Variants in DIP2C observed in about 807,000 individuals in gnomAD.
DIP2C encodes disco-interacting protein 2 homolog C.
A neutral mutation model predicts 192.4 loss-of-function variants in DIP2C; 33 were observed. The observed-to-expected ratio is 0.17, with a 90% CI of 0.13 to 0.23. The LOEUF is 0.23. Among genes scored for constraint, DIP2C ranks in the 10% least tolerant of loss-of-function variants. The pLI is 1.00. For synonymous variants in DIP2C, 979 were observed against 864.1 expected, an observed-to-expected ratio of 1.13 and a Z score of -2.33; for missense variants, 1,537 against 2,110.1, an observed-to-expected ratio of 0.73 and a Z score of 5.32.
intron 1 of DIP2C, among the ~76,000 whole-genome samples, chr10:656,467 T>C (rs960064897): frequency 2.0e-5 from 3 of 152,224 alleles, no homozygotes; most frequent in Non-Finnish European, 2.9e-5. Flanking sequence ...ATAATCTCTT[T>C]TCCAAGCTCT....
intron 3 of DIP2C, among the ~76,000 whole-genome samples, chr10:467,799 G>A (rs1476498920): frequency 2.0e-5 from 3 of 152,128 alleles, no homozygotes; most frequent in African/African-American, 7.2e-5. Context: ...ACTAGGGCCT[G>A]TTGGGTGCTG....
At chr10:653,818 T>G (rs781455788) in intron 1 of DIP2C, among the ~76,000 whole-genome samples, 1 of 152,248 alleles carries the variant, frequency 6.6e-6, no homozygotes, top group Non-Finnish European at 1.5e-5. Flanking sequence ...CTCTTTGACA[T>G]TAATTCTTAA....
At chr10:338,172 G>C (rs1366783678) in intron 29 of DIP2C, among the ~76,000 whole-genome samples, 3 of 152,238 alleles carry the variant, frequency 2.0e-5, no homozygotes, top group African/African-American at 4.8e-5. Flanking sequence ...TTTTATAGAT[G>C]AGTCAAAAAT....
chr10:483,978 A>G (rs551872353), intron 2 of DIP2C, among the ~76,000 whole-genome samples: 1 of 151,976 alleles, frequency 6.6e-6, no homozygotes, highest in South Asian at 2.1e-4. Flanking sequence ...CATCATGCCT[A>G]ATTTTTTCTT....
intron 32 of DIP2C, among the ~76,000 whole-genome samples, chr10:289,723 G>A (rs1329345415): frequency 1.3e-5 from 2 of 152,176 alleles, no homozygotes; most frequent in East Asian, 3.9e-4. Flanking sequence ...GGCCCTGAGG[G>A]ACCAGTCCAG....
chr10:472,918 G>A (rs905150723), intron 2 of DIP2C, among the ~76,000 whole-genome samples: 5 of 152,182 alleles, frequency 3.3e-5, no homozygotes, highest in Non-Finnish European at 5.9e-5. Context: ...TATACAGAAT[G>A]AGCTGTATAA....
intron 32 of DIP2C, among the ~76,000 whole-genome samples, chr10:305,132 A>G (rs1448310525): frequency 2.0e-5 from 3 of 152,176 alleles, no homozygotes; most frequent in Admixed American, 6.5e-5. Context: ...AACACACAAC[A>G]GCATATATAC....
intron 1 of DIP2C, among the ~76,000 whole-genome samples, chr10:671,376 G>A (rs113287380): frequency 1.9e-5 from 2 of 108,064 alleles, no homozygotes; most frequent in African/African-American, 3.8e-5. Context: ...GAGGAAACAG[G>A]CCACAGACGC....
At chr10:558,183 T>G (rs1370477549) in intron 1 of DIP2C, among the ~76,000 whole-genome samples, 2 of 152,120 alleles carry the variant, frequency 1.3e-5, no homozygotes, top group Non-Finnish European at 2.9e-5. Context: ...TGATAAAGAC[T>G]AGACAGCATC....
intron 9 of DIP2C, among the ~76,000 whole-genome samples, chr10:403,633 C>A (rs982097583): frequency 9.2e-5 from 11 of 120,162 alleles, no homozygotes; most frequent in Non-Finnish European, 1.0e-4. Flanking sequence ...TAGCATTACT[C>A]TTCCTTATGG....
At chr10:671,141 C>T (rs926438960) in intron 1 of DIP2C, among the ~76,000 whole-genome samples, 20 of 152,246 alleles carry the variant, frequency 1.3e-4, no homozygotes, top group Non-Finnish European at 2.8e-4. Context: ...GCGTGTGTCC[C>T]TGTGTGTCAC....
At chr10:561,649 C>CA (rs889170137) in intron 1 of DIP2C, among the ~76,000 whole-genome samples, 3 of 152,280 alleles carry the variant, frequency 2.0e-5, no homozygotes, top group African/African-American at 4.8e-5. Context: ...CAGCTTCCTT[C>CA]AAGTCAGGCT....
At chr10:315,565 T>C (rs550547806) in intron 31 of DIP2C, among the ~76,000 whole-genome samples, 4 of 152,350 alleles carry the variant, frequency 2.6e-5, no homozygotes, top group East Asian at 3.9e-4. Context: ...GTGTTGTTTT[T>C]ATTACTTCCC....
chr10:283,581 A>T, intron 34 of DIP2C, 135 bp from the exon 35 acceptor site: 1 of 1,118,288 alleles, frequency 8.9e-7, no homozygotes, highest in South Asian at 1.6e-5. Context: ...AACCAAGATG[A>T]TGTTAATCTC....
chr10:398,302 C>A (rs2133011270), intron 10 of DIP2C, among the ~76,000 whole-genome samples: 1 of 152,288 alleles, frequency 6.6e-6, no homozygotes, highest in East Asian at 1.9e-4. Context: ...TCTCCACAAC[C>A]CCGAACCCTA....
intron 1 of DIP2C, among the ~76,000 whole-genome samples, chr10:580,481 T>C (rs1306896508): frequency 6.6e-6 from 1 of 152,170 alleles, no homozygotes; most frequent in Non-Finnish European, 1.5e-5. Context: ...TACAGATACA[T>C]GTCCAAATAG....
chr10:389,439 G>A (rs1963277232), intron 13 of DIP2C, among the ~76,000 whole-genome samples: 1 of 152,160 alleles, frequency 6.6e-6, no homozygotes, highest in Non-Finnish European at 1.5e-5. Context: ...CCACCCGGGG[G>A]AAGGAAAACA....
At position 467,084 on chromosome 10, in the gene DIP2C, G is replaced by A. The variant is rs374918528; in HGVS notation, c.268+5355C>T. On this transcript the variant is annotated intron_variant, in intron 3 of 36. Transcript: ENST00000280886. ...TGCTGCTATAAAGACACATGCACAC[G>A]TATGTTTATTGCGGCATTACTCACA... 1.5e-3 allele frequency among the ~76,000 whole-genome samples: 227 copies of A among 151,768 alleles called. 2 individuals are homozygous for A. Among genetic ancestry groups the A allele is most frequent in the East Asian group, 0.014 (74 of 5,158 alleles).
intron 1 of DIP2C, among the ~76,000 whole-genome samples, chr10:632,956 C>T (rs1365914364): frequency 6.6e-6 from 1 of 152,060 alleles, no homozygotes; most frequent in African/African-American, 2.4e-5. Flanking sequence ...CGGCCAGCAC[C>T]GTAACTGGAG....
Sources: allele counts gnomAD v4.1 joint callset (sites outside exome capture counted in the v4.1 genomes callset), GRCh38; gene constraint gnomAD v4.1.1; transcripts MANE v1.5; gene names NCBI Gene and HGNC (gene_info 2026-07-23, HGNC 2026-07-21).